ADGRB3: variants seen among roughly 807,000 people sequenced by gnomAD.
ADGRB3 encodes brain-specific angiogenesis inhibitor 3.
Under a neutral mutation model 193.4 loss-of-function variants are expected in ADGRB3, and 37 were observed. That is an observed-to-expected ratio of 0.19 (90% CI 0.15 to 0.25). The LOEUF is 0.25. ADGRB3 is among the 10% of genes least tolerant of loss of function. The pLI is 1.00. For synonymous variants in ADGRB3, 690 were observed against 644.2 expected (o/e 1.07, Z -1.08); for missense variants, 1,637 against 1,852.9 (o/e 0.88, Z 2.14).
chr6:69,123,010 G>GTGTT (rs1773760218), intron 17 of ADGRB3, among the ~76,000 whole-genome samples: 1 of 151,418 alleles, frequency 6.6e-6, no homozygotes, highest in Non-Finnish European at 1.5e-5. Flanking sequence ...GTGTGTGTGT[G>GTGTT]TGTGTGTGTG....
At chr6:69,182,158 T>C (rs1328928079) in intron 17 of ADGRB3, among the ~76,000 whole-genome samples, 2 of 152,178 alleles carry the variant, frequency 1.3e-5, no homozygotes, top group African/African-American at 2.4e-5. Flanking sequence ...GAGGATCTTA[T>C]GACACACGTA....
intron 20 of ADGRB3, among the ~76,000 whole-genome samples, chr6:69,310,668 GT>G (rs1339527862): frequency 2.0e-5 from 3 of 151,592 alleles, no homozygotes; most frequent in African/African-American, 7.3e-5. Flanking sequence ...TCCGGTAGAT[GT>G]TTTTATACTT....
chr6:68,948,576 G>A (rs1767835296), intron 6 of ADGRB3, among the ~76,000 whole-genome samples: 2 of 152,044 alleles, frequency 1.3e-5, no homozygotes, highest in South Asian at 2.1e-4. Context: ...TTAAAAGCCT[G>A]AAGTTTTATG....
At chr6:68,930,391 CT>C (rs1328867612) in intron 3 of ADGRB3, among the ~76,000 whole-genome samples, 167 bp from the exon 4 acceptor site, 1 of 151,894 alleles carries the variant, frequency 6.6e-6, no homozygotes, top group Non-Finnish European at 1.5e-5. Flanking sequence ...TATAGGTTTT[CT>C]GACTTGAGTT....
At chr6:69,359,818 G>T (rs138062313) in intron 28 of ADGRB3, among the ~76,000 whole-genome samples, 420 of 151,852 alleles carry the variant, frequency 2.8e-3, no homozygotes, top group Non-Finnish European at 4.6e-3. Context: ...AACCAACTTC[G>T]CACAGCGCTA....
At chr6:69,341,876 T>C (rs934324002) in intron 26 of ADGRB3, among the ~76,000 whole-genome samples, 3 of 152,158 alleles carry the variant, frequency 2.0e-5, no homozygotes, top group Non-Finnish European at 4.4e-5. Context: ...AAGATACTAA[T>C]ACCTTAGGTG....
chr6:69,093,569 C>T lies in ADGRB3; in HGVS notation c.2480+17531C>T, dbSNP rs140459211. Among the ~76,000 whole-genome samples, 536 of 145,192 alleles carry T rather than the reference C, an allele frequency of 3.7e-3. 3 individuals carry two copies. The highest frequency in any genetic ancestry group is 0.013 in the African/African-American group (499 of 38,936). On this transcript the variant is annotated intron_variant, in intron 17 of 31. Transcript: ENST00000370598. ...CAGCTTAGGTTCAGGGGGAGAGGGG[C>T]GAGAGGCCAAGGTTCAGGGAAAGAG...
intron 4 of ADGRB3, 81 bp downstream of exon 4, chr6:68,930,750 C>A: frequency 9.1e-7 from 1 of 1,096,612 alleles, no homozygotes; most frequent in Non-Finnish European, 1.3e-6. Context: ...TTTTGCTGCA[C>A]ATTTGTCAGT....
chr6:68,906,648 G>A (rs1766557262), intron 3 of ADGRB3, among the ~76,000 whole-genome samples: 1 of 151,860 alleles, frequency 6.6e-6, no homozygotes, highest in African/African-American at 2.4e-5. Context: ...TATTGTTTAT[G>A]TTTTAGACTT....
intron 11 of ADGRB3, among the ~76,000 whole-genome samples, chr6:68,997,263 C>G (rs1011805148): frequency 6.6e-6 from 1 of 152,040 alleles, no homozygotes; most frequent in Non-Finnish European, 1.5e-5. Context: ...TGTGCATATG[C>G]ATATACTTTT....
chr6:69,049,471 G>T, intron 15 of ADGRB3, 125 bp downstream of exon 15: 3 of 644,448 alleles, frequency 4.7e-6, no homozygotes. Context: ...AAATGAAATA[G>T]AAAATACAAA....
chr6:69,109,309 A>C (rs1051749926), intron 17 of ADGRB3, among the ~76,000 whole-genome samples: 2 of 152,158 alleles, frequency 1.3e-5, no homozygotes, highest in South Asian at 4.1e-4. Flanking sequence ...GTTGTCTACT[A>C]TTTGGGAATG....
intron 3 of ADGRB3, among the ~76,000 whole-genome samples, chr6:68,895,511 A>G (rs1766195165): frequency 6.6e-6 from 1 of 151,964 alleles, no homozygotes; most frequent in Non-Finnish European, 1.5e-5. Context: ...AGTATTTGTC[A>G]TATGCTCTGA....
At chr6:69,229,324 C>T (rs567913631) in intron 17 of ADGRB3, among the ~76,000 whole-genome samples, 2 of 151,964 alleles carry the variant, frequency 1.3e-5, no homozygotes, top group Admixed American at 1.3e-4. Flanking sequence ...GCATATGCAC[C>T]AAAAGTAATA....
At chr6:69,149,784 T>A (rs555689846) in intron 17 of ADGRB3, among the ~76,000 whole-genome samples, 1 of 152,144 alleles carries the variant, frequency 6.6e-6, no homozygotes, top group Admixed American at 6.5e-5. Flanking sequence ...CCACACAGAG[T>A]AATGCTGCGG....
intron 17 of ADGRB3, among the ~76,000 whole-genome samples, chr6:69,188,377 C>A (rs986766430): frequency 6.6e-6 from 1 of 151,992 alleles, no homozygotes; most frequent in Non-Finnish European, 1.5e-5. Flanking sequence ...GGTGCTATCT[C>A]GGCTCACTGC....
At chr6:69,294,621 A>G (rs1224228826) in intron 20 of ADGRB3, among the ~76,000 whole-genome samples, 1 of 152,146 alleles carries the variant, frequency 6.6e-6, no homozygotes, top group Non-Finnish European at 1.5e-5. Context: ...GTTAGCTCTT[A>G]AAATAAGACT....
At chr6:68,993,216 G>C (rs1769289520) in intron 10 of ADGRB3, among the ~76,000 whole-genome samples, 1 of 151,858 alleles carries the variant, frequency 6.6e-6, no homozygotes, top group Non-Finnish European at 1.5e-5. Flanking sequence ...AAAAGCTAAA[G>C]CAATCTGGTT....
intron 8 of ADGRB3, among the ~76,000 whole-genome samples, chr6:68,968,887 T>C (rs1768472834): frequency 6.6e-6 from 1 of 152,258 alleles, no homozygotes; most frequent in Middle Eastern, 3.4e-3. Flanking sequence ...TAAATGTACA[T>C]TAACTAAAAT....
Sources: allele counts gnomAD v4.1 joint callset (sites outside exome capture counted in the v4.1 genomes callset), GRCh38; gene constraint gnomAD v4.1.1; transcripts MANE v1.5; gene names NCBI Gene and HGNC (gene_info 2026-07-23, HGNC 2026-07-21).